PLEKHA6: variants seen among roughly 807,000 people sequenced by gnomAD.
PLEKHA6 encodes pleckstrin homology domain containing A6, also known as pleckstrin homology domain-containing family A member 6.
PLEKHA6 carries 60 observed loss-of-function variants against 116.7 expected under a neutral mutation model. That is an observed-to-expected ratio of 0.51 (90% CI 0.42 to 0.64). The LOEUF (loss-of-function observed/expected upper bound fraction) is 0.64, where lower values mean the gene tolerates loss of function less well. PLEKHA6 is among the 30% of genes least tolerant of loss of function. The pLI is 0.00. For synonymous variants in PLEKHA6, 489 were observed against 556.1 expected (o/e 0.88, Z 1.70); for missense variants, 1,338 against 1,422.7 (o/e 0.94, Z 0.96).
intron 17 of PLEKHA6, among the ~76,000 whole-genome samples, chr1:204,233,994 C>A (rs1336945760): frequency 6.6e-6 from 1 of 152,120 alleles, no homozygotes; most frequent in Non-Finnish European, 1.5e-5. Flanking sequence ...ACAGGGTGGA[C>A]TGAAGTTGTT....
At chr1:204,232,117 C>G (rs760930353) in intron 17 of PLEKHA6, among the ~76,000 whole-genome samples, 1 of 152,068 alleles carries the variant, frequency 6.6e-6, no homozygotes, top group Non-Finnish European at 1.5e-5. Context: ...TATAAAGTGG[C>G]AGAAGTGTGG....
intron 1 of PLEKHA6, among the ~76,000 whole-genome samples, chr1:204,298,656 G>A (rs1670525414): frequency 6.6e-6 from 1 of 152,172 alleles, no homozygotes; most frequent in Admixed American, 6.5e-5. Flanking sequence ...GGTCCAAGAA[G>A]GGCTAATGTG....
At chr1:204,236,893 A>G (rs970176412) in intron 17 of PLEKHA6, among the ~76,000 whole-genome samples, 1 of 152,222 alleles carries the variant, frequency 6.6e-6, no homozygotes, top group Admixed American at 6.5e-5. Flanking sequence ...AACCCCTTGA[A>G]TGAAGGGGAG....
chr1:204,309,004 T>C (rs1671545228), intron 1 of PLEKHA6: 8 of 856,176 alleles, frequency 9.3e-6, no homozygotes, highest in Non-Finnish European at 1.1e-5. Context: ...AAGGTAATTC[T>C]AAATTGCCTG....
intron 1 of PLEKHA6, among the ~76,000 whole-genome samples, chr1:204,291,342 T>A (rs1399857154): frequency 6.6e-6 from 1 of 152,198 alleles, no homozygotes; most frequent in East Asian, 1.9e-4. Context: ...AAATGGTACA[T>A]CCTGCTTTAG....
At chr1:204,232,182 T>C (rs1210025833) in intron 17 of PLEKHA6, among the ~76,000 whole-genome samples, 1 of 152,212 alleles carries the variant, frequency 6.6e-6, no homozygotes, top group Non-Finnish European at 1.5e-5. Context: ...GTGATGAACT[T>C]AGATATTTAG....
At chr1:204,287,457 G>A (rs1282218647) in intron 1 of PLEKHA6, among the ~76,000 whole-genome samples, 2 of 152,120 alleles carry the variant, frequency 1.3e-5, no homozygotes, top group African/African-American at 2.4e-5. Context: ...GGGAATGGGG[G>A]CAACAGAAAT....
chr1:204,327,022 ACTTGG>A (rs1672266439), intron 1 of PLEKHA6: 9 of 985,100 alleles, frequency 9.1e-6, no homozygotes, highest in Non-Finnish European at 1.1e-5. Context: ...CAAAGCAGCT[ACTTGG>A]GTTTCAGCCT....
At chr1:204,285,005 C>T (rs1359345690) in intron 1 of PLEKHA6, among the ~76,000 whole-genome samples, 3 of 152,092 alleles carry the variant, frequency 2.0e-5, no homozygotes, top group Non-Finnish European at 2.9e-5. Context: ...AGCCACTAGC[C>T]GTATTCTATC....
chr1:204,311,746 A>G (rs1671665840), intron 1 of PLEKHA6: 5 of 789,612 alleles, frequency 6.3e-6, no homozygotes, highest in Non-Finnish European at 7.7e-6. Flanking sequence ...CTACTTCCCA[A>G]CATGAAAGCC....
chr1:204,235,744 G>A (rs986109743), intron 17 of PLEKHA6, among the ~76,000 whole-genome samples: 16 of 152,142 alleles, frequency 1.1e-4, no homozygotes, highest in African/African-American at 3.4e-4. Context: ...CATTGAGTTT[G>A]TAAACTCTTA....
intron 1 of PLEKHA6, among the ~76,000 whole-genome samples, chr1:204,374,636 G>C (rs1673834281): frequency 6.6e-6 from 1 of 152,022 alleles, no homozygotes; most frequent in Admixed American, 6.5e-5. Flanking sequence ...TCCTTCTGTT[G>C]AGCATCCCAG....
At chr1:204,343,736 GGGC>G (rs1558192660) in intron 1 of PLEKHA6, among the ~76,000 whole-genome samples, 1 of 152,150 alleles carries the variant, frequency 6.6e-6, no homozygotes, top group Non-Finnish European at 1.5e-5. Flanking sequence ...TAGTCACTGG[GGGC>G]TTTCAAGCAG....
rs1251754147 is a variant in PLEKHA6 at position 204,251,634 on chromosome 1, C to T, written c.1525-1020G>A. On this transcript the variant is annotated intron_variant, in intron 9 of 22. Coordinates refer to ENST00000272203, the MANE Select transcript of PLEKHA6 (RefSeq NM_014935.5). ...CATCTGCAGCAGAGGAAGGAACGGACTATTCACACTCCGACCTACATGTAG... is the reference window on the plus strand; with the variant it reads ...CATCTGCAGCAGAGGAAGGAACGGATTATTCACACTCCGACCTACATGTAG... 5 of 702,086 alleles carry T rather than the reference C, an allele frequency of 7.1e-6. 1 individual carries two copies. In the South Asian group the frequency reaches 7.4e-5, roughly 10 times the overall value. 43.5% of individuals were successfully genotyped at this position (702,086 alleles called of 1,614,324 possible).
chr1:204,223,799 G>A lies in PLEKHA6; in HGVS notation c.3032-214C>T, dbSNP rs1261211865. ...GTGAGGCCCCAGAGGAGACCTGGCC[G>A]AATCTAGGCTCTGCTGAGAACCAGT... On this transcript the variant is annotated intron_variant, in intron 21 of 22. Coordinates refer to ENST00000272203, the MANE Select transcript of PLEKHA6 (RefSeq NM_014935.5). The surrounding 1 kb of genome is among the most constrained non-coding windows in gnomAD (Gnocchi z 4.8). Among the ~76,000 whole-genome samples the A allele has an allele frequency of 3.3e-5, 5 of 152,192 alleles. No homozygotes were observed. Among genetic ancestry groups the A allele is most frequent in the South Asian group, 2.1e-4 (1 of 4,804 alleles).
At chr1:204,242,083 G>A (rs1403445152) in intron 15 of PLEKHA6, among the ~76,000 whole-genome samples, 1 of 152,198 alleles carries the variant, frequency 6.6e-6, no homozygotes, top group African/African-American at 2.4e-5. Flanking sequence ...ATTTGTCTTG[G>A]CTGGCACTAA....
chr1:204,311,876 C>G (rs4951064), intron 1 of PLEKHA6: 4 of 155,050 alleles, frequency 2.6e-5, no homozygotes, highest in Admixed American at 2.0e-4. Flanking sequence ...AAGATCTAAA[C>G]TGAATCCCTC....
At chr1:204,370,383 G>A (rs976452817) in intron 2 of PLEKHA6, among the ~76,000 whole-genome samples, 9 of 152,228 alleles carry the variant, frequency 5.9e-5, no homozygotes, top group African/African-American at 1.7e-4. Context: ...CCGGTGAAGC[G>A]CTGGAAGGCG....
chr1:204,350,396 T>A (rs1326682447), intron 1 of PLEKHA6, among the ~76,000 whole-genome samples: 1 of 152,232 alleles, frequency 6.6e-6, no homozygotes, highest in African/African-American at 2.4e-5. Context: ...TGTTCTGCCC[T>A]CAGCAGAGTG....
Sources: allele counts gnomAD v4.1 joint callset (sites outside exome capture counted in the v4.1 genomes callset), GRCh38; gene constraint gnomAD v4.1.1; non-coding constraint Gnocchi (gnomAD v3.1); transcripts MANE v1.5; gene names NCBI Gene and HGNC (gene_info 2026-07-23, HGNC 2026-07-21).